Variants in C12orf42 observed in about 807,000 individuals in gnomAD.
C12orf42 encodes uncharacterized protein C12orf42.
C12orf42 carries 25 observed loss-of-function variants against 21.6 expected under a neutral mutation model. The ratio of observed to expected loss-of-function variants is 1.16; its 90% CI spans 0.84 to 1.62. The LOEUF (loss-of-function observed/expected upper bound fraction) is 1.62, where lower values mean the gene tolerates loss of function less well. C12orf42 is among the 40% of genes most tolerant of loss of function. The pLI, the probability that C12orf42 is intolerant of heterozygous loss-of-function variation, is 0.00. For synonymous variants in C12orf42, 174 were observed against 175.0 expected (o/e 0.99, Z 0.05); for missense variants, 483 against 459.3 (o/e 1.05, Z -0.47).
the C12orf42 span, among the ~76,000 whole-genome samples, chr12:103,061,561 TG>T: frequency 6.6e-6 from 1 of 152,036 alleles, no homozygotes; most frequent in Non-Finnish European, 1.5e-5. Context: ...ACTATTTACT[TG>T]GTATGTATAA....
At chr12:103,494,110 A>T (rs1955356578) in intron 1 of C12orf42, among the ~76,000 whole-genome samples, 1 of 152,198 alleles carries the variant, frequency 6.6e-6, no homozygotes, top group Non-Finnish European at 1.5e-5. Flanking sequence ...TTTTAAAATA[A>T]AACAACCCTC....
chr12:103,479,781 A>T (rs1490265433), intron 1 of C12orf42, among the ~76,000 whole-genome samples: 1 of 152,070 alleles, frequency 6.6e-6, no homozygotes, highest in East Asian at 1.9e-4. Flanking sequence ...CATTCATGAG[A>T]TAAAAAACAA....
chr12:103,170,740 C>G, the C12orf42 span, among the ~76,000 whole-genome samples: 2 of 152,092 alleles, frequency 1.3e-5, no homozygotes, highest in Non-Finnish European at 2.9e-5. Flanking sequence ...CCAACGCACT[C>G]AATTCAATTC....
chr12:103,450,601 A>G (rs1233737050), intron 2 of C12orf42, among the ~76,000 whole-genome samples: 1 of 152,126 alleles, frequency 6.6e-6, no homozygotes. Context: ...CTTACTGAGC[A>G]ATTGTTGCCA....
intron 4 of C12orf42, among the ~76,000 whole-genome samples, chr12:103,355,503 C>T (rs1166221645): frequency 6.6e-6 from 1 of 152,070 alleles, no homozygotes; most frequent in Admixed American, 6.6e-5. Context: ...TGTTGACCAT[C>T]CAGGTTCTCA....
At chr12:103,122,017 G>A in the C12orf42 span, among the ~76,000 whole-genome samples, 35 of 152,128 alleles carry the variant, frequency 2.3e-4, no homozygotes, top group African/African-American at 8.0e-4. Flanking sequence ...GGTAGCCATG[G>A]CACTATTGTT....
At chr12:103,198,228 G>A in the C12orf42 span, among the ~76,000 whole-genome samples, 1,604 of 152,260 alleles carry the variant, frequency 0.011, 30 homozygotes, top group African/African-American at 0.037. Context: ...AGAGGGAGAG[G>A]CTGTGGACAA....
Position 103,440,473 on chromosome 12 carries a change from A to G in C12orf42, c.78+37876T>C, listed in dbSNP as rs1429393919. Among the ~76,000 whole-genome samples, 8 of 146,460 alleles carry G rather than the reference A, an allele frequency of 5.5e-5. 1 individual carries two copies. Among genetic ancestry groups the G allele is most frequent in the Admixed American group, 2.0e-4 (3 of 14,742 alleles). On this transcript the variant is annotated intron_variant, in intron 2 of 5. Transcript: ENST00000548883. ...CACAGATACCAAAAAAAAAAAAAAA[A>G]AAAAAAGAAACTCCTACTCTGGTGC...
intron 3 of C12orf42, among the ~76,000 whole-genome samples, chr12:103,372,826 A>T (rs569805968): frequency 2.0e-5 from 3 of 152,300 alleles, no homozygotes; most frequent in East Asian, 3.9e-4. Context: ...TCCCTAATAC[A>T]TGAGTCATGT....
At chr12:103,379,867 A>G (rs1427006445) in intron 3 of C12orf42, among the ~76,000 whole-genome samples, 1 of 152,236 alleles carries the variant, frequency 6.6e-6, no homozygotes, top group African/African-American at 2.4e-5. Flanking sequence ...AATATCGGGA[A>G]GCACAGACAG....
At chr12:103,238,641 G>A (rs1162064954) in intron 10 of C12orf42, among the ~76,000 whole-genome samples, 1 of 152,224 alleles carries the variant, frequency 6.6e-6, no homozygotes, top group African/African-American at 2.4e-5. Context: ...CATGACTGCT[G>A]TGCTGCTTCC....
intron 10 of C12orf42, among the ~76,000 whole-genome samples, chr12:103,241,949 A>C (rs2033770122): frequency 6.6e-6 from 1 of 152,216 alleles, no homozygotes; most frequent in Non-Finnish European, 1.5e-5. Context: ...TAAGACCTCC[A>C]GATTTAGTGC....
At chr12:103,347,700 A>G (rs1395548183) in intron 4 of C12orf42, among the ~76,000 whole-genome samples, 1 of 152,126 alleles carries the variant, frequency 6.6e-6, no homozygotes, top group Non-Finnish European at 1.5e-5. Flanking sequence ...AGGCATTTAT[A>G]TAAAAAAGAA....
At chr12:103,361,028 A>G (rs2044052337) in intron 4 of C12orf42, among the ~76,000 whole-genome samples, 1 of 152,132 alleles carries the variant, frequency 6.6e-6, no homozygotes, top group Non-Finnish European at 1.5e-5. Flanking sequence ...TGGAGGCAGG[A>G]CAAGATTGCA....
the C12orf42 span, among the ~76,000 whole-genome samples, chr12:103,515,638 A>G: frequency 6.6e-6 from 1 of 152,212 alleles, no homozygotes; most frequent in Admixed American, 6.5e-5. Flanking sequence ...TTTAACTGCT[A>G]TAGAAGGGGT....
chr12:103,462,095 G>A (rs374943857), intron 2 of C12orf42, among the ~76,000 whole-genome samples: 1 of 31,482 alleles, frequency 3.2e-5, no homozygotes, highest in African/African-American at 1.1e-4. Flanking sequence ...TTTTTTGCTT[G>A]GTTTTTTTTT....
upstream of C12orf42, among the ~76,000 whole-genome samples, chr12:103,498,178 C>T (rs906004105): frequency 6.6e-6 from 1 of 152,142 alleles, no homozygotes; most frequent in Non-Finnish European, 1.5e-5. Context: ...CAGAGCAATG[C>T]AATCAACTAG....
At chr12:103,558,644 C>A in the C12orf42 span, 1 of 152,166 alleles carries the variant, frequency 6.6e-6, no homozygotes, top group African/African-American at 2.4e-5. Context: ...AAATTCTAAT[C>A]GTTTCAGGTT....
At chr12:103,401,492 T>G (rs2047987644) in intron 3 of C12orf42, 115 bp downstream of exon 3, 1 of 812,566 alleles carries the variant, frequency 1.2e-6, no homozygotes, top group African/African-American at 1.8e-5. Context: ...AAAAAATCCT[T>G]TACTAGCTAT....
Sources: allele counts gnomAD v4.1 joint callset (sites outside exome capture counted in the v4.1 genomes callset), GRCh38; gene constraint gnomAD v4.1.1; transcripts MANE v1.5; gene names NCBI Gene and HGNC (gene_info 2026-07-23, HGNC 2026-07-21).